SGCZ: variants seen among roughly 807,000 people sequenced by gnomAD.
The protein encoded by SGCZ is sarcoglycan zeta, also known as zeta-sarcoglycan.
A neutral mutation model predicts 41.3 loss-of-function variants in SGCZ; 40 were observed. That is an observed-to-expected ratio of 0.97 (90% CI 0.75 to 1.26). The LOEUF (loss-of-function observed/expected upper bound fraction) is 1.26. Ranked by LOEUF, SGCZ falls within the 50% of genes most tolerant of loss-of-function variation. The pLI, the probability that SGCZ is intolerant of heterozygous loss-of-function variation, is 0.00. For missense variants in SGCZ, 552 were observed against 369.8 expected (o/e 1.49, Z -4.04); for synonymous variants, 206 against 137.5 (o/e 1.50, Z -3.49).
chr8:14,795,860 G>C (rs978855368), intron 1 of SGCZ, among the ~76,000 whole-genome samples: 1 of 151,978 alleles, frequency 6.6e-6, no homozygotes, highest in African/African-American at 2.4e-5. Flanking sequence ...AGTGTGTGTT[G>C]TTCCCCTCTA....
intron 1 of SGCZ, among the ~76,000 whole-genome samples, chr8:14,939,163 G>A (rs536820933): frequency 6.6e-6 from 1 of 152,198 alleles, no homozygotes; most frequent in Non-Finnish European, 1.5e-5. Context: ...GTGCTTAGCT[G>A]GTTAGAATCA....
At chr8:14,934,067 A>G (rs1015662598) in intron 1 of SGCZ, among the ~76,000 whole-genome samples, 4 of 152,064 alleles carry the variant, frequency 2.6e-5, no homozygotes, top group African/African-American at 9.7e-5. Flanking sequence ...ATAAGAATTC[A>G]TAGCCAATAA....
intron 1 of SGCZ, among the ~76,000 whole-genome samples, chr8:14,664,881 T>A (rs1025952424): frequency 6.6e-6 from 1 of 152,112 alleles, no homozygotes; most frequent in Non-Finnish European, 1.5e-5. Context: ...GACATATGGA[T>A]TGTGGTTAGT....
intron 1 of SGCZ, among the ~76,000 whole-genome samples, chr8:15,067,450 T>C (rs868006550): frequency 3.3e-5 from 5 of 152,300 alleles, no homozygotes; most frequent in Middle Eastern, 6.8e-3. Flanking sequence ...CTACCATAGA[T>C]AAGTTAAGTG....
chr8:14,284,313 A>G (rs984563593), intron 3 of SGCZ, among the ~76,000 whole-genome samples: 2 of 152,202 alleles, frequency 1.3e-5, no homozygotes, highest in South Asian at 2.1e-4. Context: ...GGATGGCTTG[A>G]GTCCAGGAGG....
chr8:14,609,559 C>T (rs537391016), intron 1 of SGCZ, among the ~76,000 whole-genome samples: 1 of 152,132 alleles, frequency 6.6e-6, no homozygotes, highest in Non-Finnish European at 1.5e-5. Flanking sequence ...TTTATCAACA[C>T]TATATGAGGT....
intron 1 of SGCZ, among the ~76,000 whole-genome samples, chr8:14,724,531 G>C (rs1442352183): frequency 1.3e-5 from 2 of 151,432 alleles, no homozygotes; most frequent in Non-Finnish European, 2.9e-5. Flanking sequence ...CCTCATAAAA[G>C]CTTATTTTTC....
At chr8:14,362,648 C>A (rs560136228) in intron 2 of SGCZ, among the ~76,000 whole-genome samples, 7 of 152,290 alleles carry the variant, frequency 4.6e-5, no homozygotes, top group Admixed American at 3.9e-4. Context: ...CCCTTGCACC[C>A]CCCAGATGAG....
At chr8:14,555,067 T>A in intron 1 of SGCZ, 141 bp from the exon 2 acceptor site, 3 of 709,846 alleles carry the variant, frequency 4.2e-6, no homozygotes, top group East Asian at 2.8e-5. Context: ...TATTGTTGTG[T>A]AATTAAAATG....
chr8:14,424,601 TTTTAC>T (rs1252387230), intron 2 of SGCZ, among the ~76,000 whole-genome samples: 1 of 149,964 alleles, frequency 6.7e-6, no homozygotes, highest in African/African-American at 2.5e-5. Flanking sequence ...TTCATATATT[TTTTAC>T]TTAACAGCTT....
At chr8:14,399,211 G>A (rs1163892372) in intron 2 of SGCZ, among the ~76,000 whole-genome samples, 1 of 152,060 alleles carries the variant, frequency 6.6e-6, no homozygotes, top group African/African-American at 2.4e-5. Context: ...AAGTGTCAGG[G>A]TTCCTTGGAG....
intron 1 of SGCZ, among the ~76,000 whole-genome samples, chr8:14,779,660 C>T (rs1420535638): frequency 6.6e-6 from 1 of 152,054 alleles, no homozygotes; most frequent in African/African-American, 2.4e-5. Flanking sequence ...TATTCTTTAA[C>T]GTGCATAGGT....
intron 2 of SGCZ, among the ~76,000 whole-genome samples, chr8:14,426,384 C>A (rs1799783253): frequency 6.6e-6 from 1 of 151,924 alleles, no homozygotes; most frequent in Admixed American, 6.6e-5. Context: ...ATTTGGTTAA[C>A]AGAAGGTAGT....
intron 4 of SGCZ, among the ~76,000 whole-genome samples, chr8:14,209,269 G>A (rs1474814115): frequency 6.6e-6 from 1 of 152,162 alleles, no homozygotes; most frequent in African/African-American, 2.4e-5. Context: ...AAAATCTGGT[G>A]TATTCCATGG....
At chr8:14,502,310 A>G (rs888934068) in intron 2 of SGCZ, among the ~76,000 whole-genome samples, 12 of 152,168 alleles carry the variant, frequency 7.9e-5, no homozygotes, top group African/African-American at 2.7e-4. Flanking sequence ...AATGAAAAAT[A>G]GAAATAGAAT....
chr8:15,060,274 G>A (rs1313572109), intron 1 of SGCZ, among the ~76,000 whole-genome samples: 1 of 151,980 alleles, frequency 6.6e-6, no homozygotes, highest in East Asian at 1.9e-4. Context: ...CAACCCACAT[G>A]TCCAAAAATG....
intron 2 of SGCZ, among the ~76,000 whole-genome samples, chr8:14,368,217 G>A (rs116561355): frequency 6.6e-6 from 1 of 151,960 alleles, no homozygotes; most frequent in Non-Finnish European, 1.5e-5. Flanking sequence ...ATATATGTGA[G>A]TGTATTTCAA....
chr8:14,816,329 A>G (rs1801902431), intron 1 of SGCZ, among the ~76,000 whole-genome samples: 1 of 152,232 alleles, frequency 6.6e-6, no homozygotes, highest in Admixed American at 6.5e-5. Flanking sequence ...ACCAGCCCAC[A>G]GTTCCTTAAA....
chr8:14,219,302 T>C (rs1272263583), intron 4 of SGCZ, among the ~76,000 whole-genome samples: 2 of 152,118 alleles, frequency 1.3e-5, no homozygotes, highest in African/African-American at 4.8e-5. Flanking sequence ...GCTTTTTCAA[T>C]CCCGCTTAAA....
Sources: gnomAD v4.1 joint callset for allele counts (sites outside exome capture counted in the v4.1 genomes callset) on GRCh38, gnomAD v4.1.1 for gene constraint, MANE v1.5 for transcripts, NCBI Gene and HGNC (gene_info 2026-07-23, HGNC 2026-07-21) for gene names.